ZNF586: variants seen among roughly 807,000 people sequenced by gnomAD.
ZNF586 encodes zinc finger protein 586.
A neutral mutation model predicts 6.7 loss-of-function variants in ZNF586; 7 were observed. The ratio of observed to expected loss-of-function variants is 1.04; its 90% CI spans 0.59 to 1.95. The LOEUF (loss-of-function observed/expected upper bound fraction) is 1.95. Ranked by LOEUF, ZNF586 falls within the 30% of genes most tolerant of loss-of-function variation. ZNF586 has a pLI of 0.00. For missense variants in ZNF586, 442 were observed against 489.6 expected, an observed-to-expected ratio of 0.90 and a Z score of 0.92; for synonymous variants, 166 against 168.7, an observed-to-expected ratio of 0.98 and a Z score of 0.12.
chr19:57,774,626 A>G (rs1987182359), intron 1 of ZNF586: 1 of 303,828 alleles, frequency 3.3e-6, no homozygotes. Flanking sequence ...GAATAGAACC[A>G]TAAATATCTG....
chr19:57,775,026 G>C (rs1987196571), intron 1 of ZNF586, among the ~76,000 whole-genome samples: 1 of 149,286 alleles, frequency 6.7e-6, no homozygotes, highest in African/African-American at 2.5e-5. Flanking sequence ...TTGAGACGGA[G>C]TCTCGCTCTG....
intron 1 of ZNF586, among the ~76,000 whole-genome samples, chr19:57,771,821 G>C (rs866116200): frequency 6.6e-6 from 1 of 151,846 alleles, no homozygotes; most frequent in Admixed American, 6.6e-5. Context: ...TTTTAGAGGG[G>C]CAAGTCAATT....
chr19:57,771,125 T>TC (rs969738035), intron 1 of ZNF586, among the ~76,000 whole-genome samples: 4 of 150,004 alleles, frequency 2.7e-5, no homozygotes, highest in Admixed American at 2.7e-4. Flanking sequence ...CACGGTGAAA[T>TC]CCCCCCTCTA....
At chr19:57,772,490 C>A (rs946251498) in intron 1 of ZNF586, among the ~76,000 whole-genome samples, 4 of 112,234 alleles carry the variant, frequency 3.6e-5, no homozygotes, top group African/African-American at 1.7e-4. Context: ...CAATCACAAG[C>A]CCCAGGATGT....
At chr19:57,778,244 A>G (rs927010794) in intron 2 of ZNF586, among the ~76,000 whole-genome samples, 3 of 151,480 alleles carry the variant, frequency 2.0e-5, no homozygotes, top group African/African-American at 4.9e-5. Context: ...GCTAACTTTT[A>G]TTTTTAGTAG....
intron 1 of ZNF586, among the ~76,000 whole-genome samples, chr19:57,773,494 C>G (rs1274044559): frequency 6.7e-6 from 1 of 150,100 alleles, no homozygotes; most frequent in Admixed American, 6.7e-5. Flanking sequence ...ACCTCCGCCT[C>G]CTGGGTTCAA....
At chr19:57,770,001 G>A (rs1004404724) in intron 1 of ZNF586, 123 bp downstream of exon 1, 24 of 954,506 alleles carry the variant, frequency 2.5e-5, no homozygotes, top group Non-Finnish European at 2.1e-5. Flanking sequence ...GAGAGGCGCC[G>A]GCGGGTGGGA....
At chr19:57,774,203 T>G (rs1600078965) in intron 1 of ZNF586, among the ~76,000 whole-genome samples, 6 of 99,840 alleles carry the variant, frequency 6.0e-5, no homozygotes, top group Non-Finnish European at 5.6e-5. Context: ...GTGACAAGAG[T>G]GAAACTCCGT....
At chr19:57,775,290 C>T (rs995874902) in intron 1 of ZNF586, among the ~76,000 whole-genome samples, 2 of 152,168 alleles carry the variant, frequency 1.3e-5, no homozygotes, top group Non-Finnish European at 2.9e-5. Flanking sequence ...CGTGAGCCAC[C>T]GCACCCAATG....
intron 1 of ZNF586, among the ~76,000 whole-genome samples, chr19:57,773,296 A>G (rs993710362): frequency 6.6e-6 from 1 of 151,334 alleles, no homozygotes; most frequent in Non-Finnish European, 1.5e-5. Flanking sequence ...CAGGAAGTAG[A>G]GTTTGGGTTT....
Position 57,779,846 on chromosome 19 carries a change from A to G in ZNF586, c.*50A>G, listed in dbSNP as rs753302973. 43 of 1,477,922 alleles carry G rather than the reference A, an allele frequency of 2.9e-5. No individual in the cohort carries two copies. The highest frequency in any genetic ancestry group is 3.9e-5 in the Non-Finnish European group (42 of 1,089,766). 91.6% of individuals were successfully genotyped at this position (1,477,922 alleles called of 1,614,324 possible). On this transcript the variant is annotated 3_prime_UTR_variant, in exon 3 of 3. Coordinates refer to ENST00000396154, the MANE Select transcript of ZNF586 (RefSeq NM_017652.4). ...CCAGGCTTTTTGCTCCTTCAAGGCCAGAGAGTTCACACCAGATCAAGGTGT... is the reference window on the plus strand; with the variant it reads ...CCAGGCTTTTTGCTCCTTCAAGGCCGGAGAGTTCACACCAGATCAAGGTGT...
At chr19:57,771,882 T>A (rs1000041046) in intron 1 of ZNF586, among the ~76,000 whole-genome samples, 1 of 152,040 alleles carries the variant, frequency 6.6e-6, no homozygotes, top group Non-Finnish European at 1.5e-5. Flanking sequence ...TGGAGTGCAA[T>A]AGTGGAATCT....
intron 1 of ZNF586, among the ~76,000 whole-genome samples, chr19:57,772,068 C>T (rs1261390529): frequency 6.6e-6 from 1 of 152,080 alleles, no homozygotes; most frequent in East Asian, 1.9e-4. Context: ...GTGATCCACC[C>T]GCCTTGGCCT....
intron 1 of ZNF586, among the ~76,000 whole-genome samples, chr19:57,770,189 C>G (rs1473387240): frequency 7.2e-6 from 1 of 139,762 alleles, no homozygotes; most frequent in African/African-American, 2.6e-5. Context: ...CGGAGTCTCA[C>G]TCTGTCGCCC....
intron 1 of ZNF586, among the ~76,000 whole-genome samples, chr19:57,770,280 C>G (rs1196351880): frequency 6.6e-6 from 1 of 151,816 alleles, no homozygotes; most frequent in Non-Finnish European, 1.5e-5. Context: ...CCTCAGCCTC[C>G]CGAGTAGCTG....
At chr19:57,774,594 T>C (rs1248015080) in intron 1 of ZNF586, among the ~76,000 whole-genome samples, 1 of 152,092 alleles carries the variant, frequency 6.6e-6, no homozygotes, top group African/African-American at 2.4e-5. Context: ...TTTCTGAGGA[T>C]AGCAAATGCA....
At chr19:57,776,103 G>T (rs1987230314) in intron 1 of ZNF586, among the ~76,000 whole-genome samples, 1 of 152,162 alleles carries the variant, frequency 6.6e-6, no homozygotes, top group Middle Eastern at 3.2e-3. Context: ...TTAAAATACT[G>T]TAACTTCTGG....
At chr19:57,774,741 T>C (rs1429935963) in intron 1 of ZNF586, 1 of 985,090 alleles carries the variant, frequency 1.0e-6, no homozygotes, top group East Asian at 1.1e-4. Flanking sequence ...TGTGGTAATT[T>C]TGGATTCCTT....
At chr19:57,772,934 G>C (rs144327022) in intron 1 of ZNF586, among the ~76,000 whole-genome samples, 1 of 151,976 alleles carries the variant, frequency 6.6e-6, no homozygotes, top group Non-Finnish European at 1.5e-5. Flanking sequence ...TTCCCTGACC[G>C]GTCTCCATTC....
Sources: gnomAD v4.1 joint callset for allele counts (sites outside exome capture counted in the v4.1 genomes callset) on GRCh38, gnomAD v4.1.1 for gene constraint, MANE v1.5 for transcripts, NCBI Gene and HGNC (gene_info 2026-07-23, HGNC 2026-07-21) for gene names.